Variants in RAVER2 observed in about 807,000 individuals in gnomAD.
RAVER2 encodes ribonucleoprotein PTB-binding 2.
Under a neutral mutation model 78.1 loss-of-function variants are expected in RAVER2, and 46 were observed. The ratio of observed to expected loss-of-function variants is 0.59; its 90% confidence interval spans 0.46 to 0.75. The LOEUF is 0.75. RAVER2 is among the 30% of genes least tolerant of loss of function. RAVER2 has a pLI of 0.00. For missense variants in RAVER2, 793 were observed against 837.5 expected (o/e 0.95, Z 0.66); for synonymous variants, 311 against 313.3 (o/e 0.99, Z 0.08).
chr1:64,818,504 C>T (rs1283055594), intron 11 of RAVER2, among the ~76,000 whole-genome samples: 2 of 152,150 alleles, frequency 1.3e-5, no homozygotes, highest in Non-Finnish European at 2.9e-5. Context: ...CCACTGCACT[C>T]CAGCCTGGGC....
At chr1:64,778,191 C>G in intron 3 of RAVER2, 99 bp downstream of exon 3, 1 of 923,982 alleles carries the variant, frequency 1.1e-6, no homozygotes. Context: ...GTGATTAACA[C>G]AATGGAAATT....
At position 64,759,027 on chromosome 1, in the gene RAVER2, G is replaced by A. The variant is rs532821450; in HGVS notation, c.250-9629G>A. ...TGAAGATTAAAGCCCTCTTTCTTGGGATGTCTGCAAGCAAAAACTGCTCAA... is the reference window on the plus strand; with the variant it reads ...TGAAGATTAAAGCCCTCTTTCTTGGAATGTCTGCAAGCAAAAACTGCTCAA... On this transcript the variant is annotated intron_variant, in intron 1 of 11. Transcript: ENST00000294428. 7.8e-4 allele frequency among the ~76,000 whole-genome samples: 118 copies of A among 151,498 alleles called. 2 individuals carry two copies. The highest frequency in any genetic ancestry group is 2.8e-3 in the African/African-American group (115 of 41,258).
rs1291915713 is a variant in RAVER2 at position 64,813,718 on chromosome 1, A to G, written c.1792+869A>G. On this transcript the variant is annotated intron_variant, in intron 10 of 11. Coordinates refer to ENST00000294428, the Ensembl canonical transcript of RAVER2. ...TTGAGCTGGAAAAAAATGTAAAGGC[A>G]CTTCTAGTATACCTGTTATATATTG... 2.6e-5 allele frequency among the ~76,000 whole-genome samples: 4 copies of G among 152,056 alleles called. No homozygotes were observed. In the East Asian group the frequency reaches 7.7e-4, roughly 29 times the overall value.
At chr1:64,812,716 C>T (rs1280196561) in intron 9 of RAVER2, 22 bp from the exon 10 acceptor site, 4 of 1,534,638 alleles carry the variant, frequency 2.6e-6, no homozygotes, top group Admixed American at 1.7e-5. Flanking sequence ...TAAGTACTCC[C>T]TCCTTTGTTT....
At position 64,766,895 on chromosome 1, in the gene RAVER2, A is replaced by G. The variant is rs140632945; in HGVS notation, c.250-1761A>G. 1.4e-4 allele frequency among the ~76,000 whole-genome samples: 22 copies of G among 152,272 alleles called. No homozygotes were observed. In the East Asian group the frequency reaches 4.0e-3, roughly 28 times the overall value. ...GTTTTCTTATTGAAGAGTACAGTAGATGTTTTTGTAAGTTCAAGAAAATGT... is the reference window on the plus strand; with the variant it reads ...GTTTTCTTATTGAAGAGTACAGTAGGTGTTTTTGTAAGTTCAAGAAAATGT... On this transcript the variant is annotated intron_variant, in intron 1 of 11. Transcript: ENST00000294428.
At chr1:64,768,005 G>A (rs1652218519) in intron 1 of RAVER2, among the ~76,000 whole-genome samples, 1 of 151,944 alleles carries the variant, frequency 6.6e-6, no homozygotes, top group Non-Finnish European at 1.5e-5. Flanking sequence ...GGAAATAAAT[G>A]GAACTGCATG....
chr1:64,799,805 A>G lies in RAVER2; in HGVS notation c.1106-3171A>G, dbSNP rs545850452. Among the ~76,000 whole-genome samples, 43 of 152,148 alleles carry G rather than the reference A, an allele frequency of 2.8e-4. No homozygotes were observed. The South Asian group carries it at 8.7e-3, about 31-fold the overall frequency. Reference sequence around the variant, plus strand: ...TGCTGGATCCATATGGTAGTTCTATATTTGTTTTTTTGAGAAACCATCGTA... The same window carrying G: ...TGCTGGATCCATATGGTAGTTCTATGTTTGTTTTTTTGAGAAACCATCGTA... On this transcript the variant is annotated intron_variant, in intron 5 of 11. Transcript: ENST00000294428.
At chr1:64,777,761 C>T in exon 3 of RAVER2, 6 of 1,614,026 alleles carry the variant, frequency 3.7e-6, no homozygotes, top group Non-Finnish European at 5.1e-6. Context: ...GTGCCCATTT[C>T]TTTTACATCA....
chr1:64,806,393 G>A lies in RAVER2; in HGVS notation c.1412-813G>A, dbSNP rs111606910. On this transcript the variant is annotated intron_variant, in intron 8 of 11. Transcript: ENST00000294428. ...GCCACTGCACTCCAGCCTTGGCGAT[G>A]GGAATGAGACCCTGACTCAAAAAAC... 4.4e-3 allele frequency among the ~76,000 whole-genome samples: 670 copies of A among 152,234 alleles called. 10 individuals carry two copies. Among genetic ancestry groups the A allele is most frequent in the African/African-American group, 0.015 (641 of 41,546 alleles).
chr1:64,786,302 C>G (rs994320926), intron 4 of RAVER2, among the ~76,000 whole-genome samples: 8 of 152,024 alleles, frequency 5.3e-5, no homozygotes, highest in African/African-American at 1.9e-4. Context: ...GACTGTGAAC[C>G]CTTTCATTCT....
intron 5 of RAVER2, among the ~76,000 whole-genome samples, chr1:64,798,728 T>G (rs1385676606): frequency 6.6e-6 from 1 of 152,204 alleles, no homozygotes; most frequent in Non-Finnish European, 1.5e-5. Flanking sequence ...AACTCTATTT[T>G]TTGTACTTCA....
chr1:64,808,456 C>CTTT (rs71584460), intron 9 of RAVER2, among the ~76,000 whole-genome samples: 4,141 of 103,012 alleles, frequency 0.04, 194 homozygotes, highest in Admixed American at 0.073. Context: ...TAATGCAGTC[C>CTTT]TTTTTTTTTT....
chr1:64,749,431 GAAT>G, intron 1 of RAVER2, among the ~76,000 whole-genome samples: 1 of 152,170 alleles, frequency 6.6e-6, no homozygotes, highest in Admixed American at 6.5e-5. Flanking sequence ...GGCTGCTCTC[GAAT>G]GCCTGACCTC....
rs1651504100 is a variant in RAVER2 at position 64,745,500 on chromosome 1, G to T, written c.249+79G>T. 2.1e-6 allele frequency: 3 copies of T among 1,424,770 alleles called. No individual in the cohort carries two copies. The highest frequency in any genetic ancestry group is 2.6e-5 in the South Asian group (2 of 77,300). 88.3% of individuals were successfully genotyped at this position (1,424,770 alleles called of 1,614,324 possible). A position where few individuals can be genotyped will look rare whatever the true frequency, so the allele number is the denominator to read the frequency against. The stretch of plus-strand genomic sequence containing the variant: ...CCGTGTCCAGGCTGGGATCGGGGGC[G>T]CCTCAGAGCGGTCCTGGGGAGTGGG... On this transcript the variant is annotated intron_variant, in intron 1 of 11. Coordinates refer to ENST00000294428, the Ensembl canonical transcript of RAVER2. This position sits in a 1 kb window ranked among gnomAD's most constrained non-coding sequence, Gnocchi z 4.3.
At chr1:64,812,118 A>T (rs542590681) in intron 9 of RAVER2, among the ~76,000 whole-genome samples, 19 of 152,048 alleles carry the variant, frequency 1.2e-4, no homozygotes, top group African/African-American at 4.3e-4. Context: ...TTGAGCCAAC[A>T]CTTTGGCCAA....
At chr1:64,829,447 G>A (rs1654073933) in intron 11 of RAVER2, among the ~76,000 whole-genome samples, 1 of 152,222 alleles carries the variant, frequency 6.6e-6, no homozygotes, top group African/African-American at 2.4e-5. Flanking sequence ...CATTCAGAAA[G>A]ATCACCTACC....
At chr1:64,794,898 T>G (rs1653054545) in intron 5 of RAVER2, among the ~76,000 whole-genome samples, 1 of 152,114 alleles carries the variant, frequency 6.6e-6, no homozygotes, top group South Asian at 2.1e-4. Context: ...CAAATTCAGG[T>G]TTTCTAAGAT....
intron 4 of RAVER2, among the ~76,000 whole-genome samples, chr1:64,786,199 G>A (rs1652775649): frequency 3.9e-5 from 6 of 152,112 alleles, no homozygotes; most frequent in Admixed American, 3.9e-4. Context: ...GAAGTTTTTA[G>A]AAGGTTTTTT....
At chr1:64,804,773 A>T in exon 7 of RAVER2, 1 of 1,545,162 alleles carries the variant, frequency 6.5e-7, no homozygotes. Context: ...ATTCCTTCAG[A>T]ATCTTTCTCA....
Sources: allele counts gnomAD v4.1 joint callset (sites outside exome capture counted in the v4.1 genomes callset), GRCh38; gene constraint gnomAD v4.1.1; non-coding constraint Gnocchi (gnomAD v3.1); transcripts MANE v1.5; gene names NCBI Gene and HGNC (gene_info 2026-07-23, HGNC 2026-07-21).